The following OSBPL6 variants were observed in gnomAD, a reference collection of about 807,000 sequenced individuals.
The protein encoded by OSBPL6 is oxysterol binding protein like 6, also known as oxysterol-binding protein-related protein 6.
In OSBPL6, 49 loss-of-function variants were observed where a neutral mutation model predicts 125.8. That is an observed-to-expected ratio of 0.39 (90% CI 0.31 to 0.49). The LOEUF (loss-of-function observed/expected upper bound fraction) is 0.49, where lower values mean the gene tolerates loss of function less well. OSBPL6 is among the 20% of genes least tolerant of loss of function. OSBPL6 has a pLI of 0.88. For missense variants in OSBPL6, 986 were observed against 1,135.4 expected (o/e 0.87, Z 1.89); for synonymous variants, 394 against 391.8 (o/e 1.01, Z -0.07).
intron 1 of OSBPL6, among the ~76,000 whole-genome samples, chr2:178,200,499 A>G (rs2089190423): frequency 6.6e-6 from 1 of 151,876 alleles, no homozygotes; most frequent in African/African-American, 2.4e-5. Context: ...TGCTCCTCCT[A>G]TCTTGGCCTC....
rs936507734 is a variant in OSBPL6, at chr2:178,303,987, A to G, written c.-155-2043A>G. On this transcript the variant is annotated intron_variant, in intron 2 of 24. Coordinates refer to ENST00000190611, the MANE Select transcript of OSBPL6 (RefSeq NM_032523.4). ...TGCTTATGATAAAAATCAAAATGCCAATGTCTTAGTCCACTTGTGCTTCTA... is the reference window on the plus strand; with the variant it reads ...TGCTTATGATAAAAATCAAAATGCCGATGTCTTAGTCCACTTGTGCTTCTA... Among the ~76,000 whole-genome samples the G allele has an allele frequency of 3.9e-5, 6 of 152,320 alleles. No individual in the cohort carries two copies. The South Asian group carries it at 1.2e-3, about 32-fold the overall frequency.
intron 11 of OSBPL6, among the ~76,000 whole-genome samples, chr2:178,348,775 T>C (rs1210610324): frequency 6.6e-6 from 1 of 152,226 alleles, no homozygotes; most frequent in African/African-American, 2.4e-5. Context: ...GGCTACAGAG[T>C]AAGTGAATCT....
At chr2:178,331,071 T>C (rs1470174247) in intron 5 of OSBPL6, among the ~76,000 whole-genome samples, 1 of 152,248 alleles carries the variant, frequency 6.6e-6, no homozygotes, top group East Asian at 1.9e-4. Flanking sequence ...TCATTATTCA[T>C]AGATTCAGTC....
intron 13 of OSBPL6, among the ~76,000 whole-genome samples, chr2:178,367,640 T>C (rs972358916): frequency 9.2e-5 from 14 of 152,184 alleles, no homozygotes; most frequent in Non-Finnish European, 1.9e-4. Context: ...AGGTAATTGA[T>C]TCTGGCTCAA....
At chr2:178,307,944 G>C (rs73032518) in intron 3 of OSBPL6, among the ~76,000 whole-genome samples, 1 of 152,182 alleles carries the variant, frequency 6.6e-6, no homozygotes, top group African/African-American at 2.4e-5. Context: ...CTGGTGTGCC[G>C]GAGGGAGCAT....
intron 2 of OSBPL6, among the ~76,000 whole-genome samples, chr2:178,291,738 TTTCC>T (rs1162036744): frequency 7.3e-6 from 1 of 136,828 alleles, no homozygotes; most frequent in Non-Finnish European, 1.6e-5. Context: ...CCTTCCTTTC[TTTCC>T]TTCCTTCCTC....
chr2:178,391,249 A>T, intron 22 of OSBPL6, 32 bp downstream of exon 22: 1 of 1,563,458 alleles, frequency 6.4e-7, no homozygotes, highest in Non-Finnish European at 8.6e-7. Flanking sequence ...TGCCAACAGG[A>T]GGGCACTATG....
chr2:178,394,393 A>C lies in OSBPL6; in HGVS notation c.2654A>C (p.Tyr885Ser). 6.2e-7 allele frequency: 1 copy of C among 1,613,194 alleles called. No individual in the cohort carries two copies. The highest frequency in any genetic ancestry group is 8.5e-7 in the Non-Finnish European group (1 of 1,179,546). ...GAACTCCAGAGATCTCGGAGACGAT[A>C]TATGGAAGAAAACAATCTTGAACAT... ...VEELQRSRRR[Y>S]MEENNLEHIP... Residue 885 changes from tyrosine to serine, a missense_variant, in exon 24 of 25, where the codon TAT becomes TCT. Around this residue, in one of 3 missense-constraint regions of OSBPL6, gnomAD observed 843 missense variants for 997.3 expected, o/e 0.85. Coordinates refer to ENST00000190611, the MANE Select transcript of OSBPL6 (RefSeq NM_032523.4).
At chr2:178,260,460 T>G (rs1274429933) in intron 1 of OSBPL6, among the ~76,000 whole-genome samples, 1 of 152,224 alleles carries the variant, frequency 6.6e-6, no homozygotes, top group Non-Finnish European at 1.5e-5. Flanking sequence ...TAATTTATAA[T>G]GTGGTCCTAG....
At chr2:178,196,814 A>G (rs75758995) in intron 1 of OSBPL6, among the ~76,000 whole-genome samples, 1 of 152,230 alleles carries the variant, frequency 6.6e-6, no homozygotes, top group African/African-American at 2.4e-5. Flanking sequence ...AGGTTAGGTC[A>G]TAATTATGAT....
chr2:178,332,072 T>G (rs1398805463), intron 6 of OSBPL6, among the ~76,000 whole-genome samples: 1 of 152,248 alleles, frequency 6.6e-6, no homozygotes, highest in Non-Finnish European at 1.5e-5. Flanking sequence ...GTAGTTTGCA[T>G]GTAACACTGG....
intron 1 of OSBPL6, among the ~76,000 whole-genome samples, chr2:178,281,816 G>A (rs565557083): frequency 6.6e-6 from 1 of 150,690 alleles, no homozygotes; most frequent in South Asian, 2.1e-4. Context: ...GGTGGTGGGT[G>A]GGAGAGCATC....
intron 12 of OSBPL6, among the ~76,000 whole-genome samples, chr2:178,353,884 C>T (rs935193630): frequency 6.6e-6 from 1 of 152,208 alleles, no homozygotes; most frequent in Non-Finnish European, 1.5e-5. Context: ...ATCAGGCTAA[C>T]AGTGGATCTC....
chr2:178,198,391 G>C (rs1343165285), intron 1 of OSBPL6, among the ~76,000 whole-genome samples: 2 of 151,742 alleles, frequency 1.3e-5, no homozygotes, highest in Non-Finnish European at 2.9e-5. Context: ...CAACCTCCTG[G>C]GTTCAAGCGA....
intron 18 of OSBPL6, 34 bp from the exon 19 acceptor site, chr2:178,385,424 C>T (rs1157382088): frequency 1.3e-6 from 2 of 1,509,808 alleles, no homozygotes; most frequent in South Asian, 2.3e-5. Flanking sequence ...AGTCTTAACA[C>T]TGATACTGCC....
intron 13 of OSBPL6, among the ~76,000 whole-genome samples, chr2:178,362,929 A>G (rs890426260): frequency 5.9e-5 from 9 of 152,190 alleles, no homozygotes; most frequent in Non-Finnish European, 1.2e-4. Context: ...GAACATTTTA[A>G]TGGCTTTCCC....
intron 12 of OSBPL6, among the ~76,000 whole-genome samples, chr2:178,360,822 T>C: frequency 6.6e-6 from 1 of 152,228 alleles, no homozygotes; most frequent in South Asian, 2.1e-4. Flanking sequence ...CGTGAATCCC[T>C]TGTGATCCTG....
In OSBPL6 at chr2:178,228,318, G is replaced by A. The variant is rs548234503; in HGVS notation, c.-351+33644G>A. On this transcript the variant is annotated intron_variant, in intron 1 of 24. Coordinates refer to ENST00000190611, the MANE Select transcript of OSBPL6 (RefSeq NM_032523.4). ...TGGGAGGCCAAGGTGGGCATATCAT[G>A]AGGTCAGGAGATCGAGACCATCCTG... Among the ~76,000 whole-genome samples, 13 of 152,290 alleles carry A rather than the reference G, an allele frequency of 8.5e-5. No homozygotes were observed. In the East Asian group the frequency reaches 9.7e-4, roughly 11 times the overall value.
intron 24 of OSBPL6, 108 bp downstream of exon 24, chr2:178,394,543 C>T: frequency 7.3e-7 from 1 of 1,361,632 alleles, no homozygotes; most frequent in Non-Finnish European, 1.0e-6. Context: ...ATTTTGGTAT[C>T]TTTGCTTTTG....
Sources: allele counts gnomAD v4.1 joint callset (sites outside exome capture counted in the v4.1 genomes callset), GRCh38; gene constraint gnomAD v4.1.1; regional missense constraint gnomAD v4.1.1; transcripts MANE v1.5; gene names NCBI Gene and HGNC (gene_info 2026-07-23, HGNC 2026-07-21).